The following ATP2B2 variants were observed in gnomAD, a reference collection of about 807,000 sequenced individuals.
ATP2B2 encodes ATPase plasma membrane Ca2+ transporting 2, also known as plasma membrane calcium-transporting ATPase 2.
ATP2B2 carries 15 observed loss-of-function variants against 120.0 expected under a neutral mutation model. That is an observed-to-expected ratio of 0.12 (90% confidence interval 0.08 to 0.19). The LOEUF (loss-of-function observed/expected upper bound fraction) is 0.19. ATP2B2 is among the 10% of genes least tolerant of loss of function. The pLI is 1.00. For synonymous variants in ATP2B2, 694 were observed against 700.3 expected, an observed-to-expected ratio of 0.99 and a Z score of 0.14; for missense variants, 1,045 against 1,719.8, an observed-to-expected ratio of 0.61 and a Z score of 6.94.
intron 1 of ATP2B2, among the ~76,000 whole-genome samples, chr3:10,476,814 G>A (rs994517109): frequency 1.3e-5 from 2 of 152,222 alleles, no homozygotes; most frequent in Non-Finnish European, 2.9e-5. Context: ...TGACAGAGCT[G>A]GGCAGAGAGC....
At chr3:10,480,491 G>A (rs1477580941) in intron 1 of ATP2B2, among the ~76,000 whole-genome samples, 2 of 152,176 alleles carry the variant, frequency 1.3e-5, no homozygotes, top group East Asian at 1.9e-4. Flanking sequence ...AGACCTGAGT[G>A]TCTCTTCTGA....
chr3:10,469,729 C>G (rs551078162), intron 1 of ATP2B2, among the ~76,000 whole-genome samples: 20 of 152,272 alleles, frequency 1.3e-4, no homozygotes, highest in Admixed American at 1.2e-3. Context: ...CCCCTTTCAC[C>G]CTGAGAAAGT....
At chr3:10,661,128 C>G (rs1272074141) in intron 1 of ATP2B2, among the ~76,000 whole-genome samples, 2 of 152,116 alleles carry the variant, frequency 1.3e-5, no homozygotes, top group Admixed American at 1.3e-4. Flanking sequence ...AGGACAAACC[C>G]TCAGCCAATA....
chr3:10,397,259 C>T (rs992805150), intron 5 of ATP2B2, among the ~76,000 whole-genome samples: 2 of 152,148 alleles, frequency 1.3e-5, no homozygotes, highest in Admixed American at 6.5e-5. Context: ...CTCAGACCTG[C>T]GTGGGCAAGA....
chr3:10,393,553 T>G (rs903454159), intron 5 of ATP2B2, among the ~76,000 whole-genome samples: 1 of 152,164 alleles, frequency 6.6e-6, no homozygotes, highest in African/African-American at 2.4e-5. Context: ...TGGGAGCTGG[T>G]CTGTGGCTCC....
intron 1 of ATP2B2, among the ~76,000 whole-genome samples, chr3:10,625,506 G>T (rs2069672042): frequency 6.6e-6 from 1 of 152,186 alleles, no homozygotes; most frequent in African/African-American, 2.4e-5. Flanking sequence ...TACTCCGCCA[G>T]GATTTGACGC....
intron 2 of ATP2B2, among the ~76,000 whole-genome samples, chr3:10,445,834 A>G (rs2063818957): frequency 6.6e-6 from 1 of 152,170 alleles, no homozygotes; most frequent in Non-Finnish European, 1.5e-5. Context: ...CTGTGTCTGG[A>G]GCTGGCACAG....
At chr3:10,485,427 G>C (rs547740678) in intron 1 of ATP2B2, among the ~76,000 whole-genome samples, 1 of 152,320 alleles carries the variant, frequency 6.6e-6, no homozygotes, top group South Asian at 2.1e-4. Flanking sequence ...GGAAAAGGAG[G>C]TGGGGGATTG....
intron 2 of ATP2B2, among the ~76,000 whole-genome samples, chr3:10,609,992 T>C (rs933210758): frequency 6.6e-6 from 1 of 152,090 alleles, no homozygotes; most frequent in Admixed American, 6.5e-5. Context: ...CCTGACTCAG[T>C]CTGACCATTC....
At chr3:10,683,870 C>T (rs4579000) in intron 1 of ATP2B2, among the ~76,000 whole-genome samples, 49,025 of 144,588 alleles carry the variant, frequency 0.34, 10,670 homozygotes, top group African/African-American at 0.62. Context: ...ATAGCTCACT[C>T]ACGGCATCCT....
intron 1 of ATP2B2, among the ~76,000 whole-genome samples, chr3:10,629,594 T>C (rs2069807593): frequency 6.6e-6 from 1 of 152,158 alleles, no homozygotes; most frequent in African/African-American, 2.4e-5. Context: ...GGCAGAGGCA[T>C]AGAGGTTTGG....
chr3:10,399,800 T>C (rs977456309), intron 5 of ATP2B2, among the ~76,000 whole-genome samples: 2 of 152,250 alleles, frequency 1.3e-5, no homozygotes, highest in South Asian at 2.1e-4. Context: ...TTCTCTACAA[T>C]TGGACTTGGA....
intron 1 of ATP2B2, among the ~76,000 whole-genome samples, chr3:10,478,534 C>G (rs2065285973): frequency 6.6e-6 from 1 of 152,120 alleles, no homozygotes; most frequent in Non-Finnish European, 1.5e-5. Context: ...CTCAACGTAT[C>G]TGAAATTCAA....
At chr3:10,443,104 G>A (rs1333041415) in intron 2 of ATP2B2, among the ~76,000 whole-genome samples, 3 of 152,222 alleles carry the variant, frequency 2.0e-5, no homozygotes, top group Admixed American at 6.5e-5. Flanking sequence ...TAACGGTGCC[G>A]TGGTTTGGCT....
At chr3:10,504,261 T>C (rs1359572590) in intron 1 of ATP2B2, among the ~76,000 whole-genome samples, 1 of 151,438 alleles carries the variant, frequency 6.6e-6, no homozygotes, top group East Asian at 2.0e-4. Flanking sequence ...AGGCCTGCGC[T>C]CCAAGCCCCC....
chr3:10,550,109 A>G (rs753535455), intron 2 of ATP2B2, among the ~76,000 whole-genome samples: 5 of 152,264 alleles, frequency 3.3e-5, no homozygotes, highest in Non-Finnish European at 2.9e-5. Flanking sequence ...AACTTAGCCC[A>G]AGGGAGTCTC....
chr3:10,492,145 G>A (rs898173753), intron 1 of ATP2B2, among the ~76,000 whole-genome samples: 1 of 152,004 alleles, frequency 6.6e-6, no homozygotes, highest in African/African-American at 2.4e-5. Flanking sequence ...TTTCCAAGCT[G>A]TTGCTGCCTG....
At chr3:10,348,854 C>T (rs1479550498) in intron 16 of ATP2B2, among the ~76,000 whole-genome samples, 1 of 152,244 alleles carries the variant, frequency 6.6e-6, no homozygotes, top group African/African-American at 2.4e-5. Context: ...GGGCTGGCAC[C>T]TGGCAGGACC....
intron 3 of ATP2B2, among the ~76,000 whole-genome samples, chr3:10,408,805 T>A (rs2062507596): frequency 6.6e-6 from 1 of 152,196 alleles, no homozygotes; most frequent in African/African-American, 2.4e-5. Context: ...CCACCTGCTA[T>A]CTGAGTTCTA....
Sources: gnomAD v4.1 joint callset for allele counts (sites outside exome capture counted in the v4.1 genomes callset) on GRCh38, gnomAD v4.1.1 for gene constraint, MANE v1.5 for transcripts, NCBI Gene and HGNC (gene_info 2026-07-23, HGNC 2026-07-21) for gene names.